Variants in KSR2 observed in about 807,000 individuals in gnomAD.
KSR2 encodes the protein kinase suppressor of ras 2.
KSR2 carries 25 observed loss-of-function variants against 107.8 expected under a neutral mutation model. That is an observed-to-expected ratio of 0.23 (90% CI 0.17 to 0.32). The LOEUF is 0.32. KSR2 is among the 10% of genes least tolerant of loss of function. KSR2 has a pLI of 1.00. For missense variants in KSR2, 887 were observed against 1,268.9 expected, an observed-to-expected ratio of 0.70 and a Z score of 4.57; for synonymous variants, 480 against 507.0, an observed-to-expected ratio of 0.95 and a Z score of 0.71.
intron 14 of KSR2, among the ~76,000 whole-genome samples, chr12:117,488,253 CA>C (rs1872575251): frequency 6.6e-6 from 1 of 152,166 alleles, no homozygotes; most frequent in Admixed American, 6.5e-5. Flanking sequence ...TCTTTATTAG[CA>C]GCGTGAAAAC....
chr12:117,754,741 C>CA (rs1888728869), intron 4 of KSR2, among the ~76,000 whole-genome samples: 1 of 152,094 alleles, frequency 6.6e-6, no homozygotes, highest in Non-Finnish European at 1.5e-5. Context: ...GCAGAGGTTG[C>CA]AGTGAGCTGA....
chr12:117,525,363 G>T, intron 13 of KSR2, 144 bp from the exon 14 acceptor site: 1 of 929,176 alleles, frequency 1.1e-6, no homozygotes, highest in Non-Finnish European at 1.6e-6. Flanking sequence ...ACGTCCCTCT[G>T]TTTCCCCAGC....
chr12:117,540,177 G>A (rs1876381492), intron 9 of KSR2, among the ~76,000 whole-genome samples: 1 of 152,076 alleles, frequency 6.6e-6, no homozygotes, highest in Admixed American at 6.5e-5. Flanking sequence ...CTCACCCTGT[G>A]CCTCTTTGAT....
At chr12:117,545,411 C>T (rs1245208510) in intron 9 of KSR2, among the ~76,000 whole-genome samples, 3 of 152,100 alleles carry the variant, frequency 2.0e-5, no homozygotes, top group Non-Finnish European at 2.9e-5. Flanking sequence ...TCTGGTGACA[C>T]CATCTGGAGA....
At chr12:117,951,813 C>T (rs764437554) in intron 1 of KSR2, among the ~76,000 whole-genome samples, 2 of 152,070 alleles carry the variant, frequency 1.3e-5, no homozygotes, top group Non-Finnish European at 2.9e-5. Context: ...TCCCAGGAAG[C>T]GAATCCAACT....
chr12:117,961,884 C>A (rs1896669104), intron 1 of KSR2, among the ~76,000 whole-genome samples: 2 of 152,126 alleles, frequency 1.3e-5, no homozygotes, highest in Non-Finnish European at 1.5e-5. Flanking sequence ...GGTGATTACA[C>A]CGGTAATCCC....
intron 5 of KSR2, among the ~76,000 whole-genome samples, chr12:117,597,889 C>T (rs140831625): frequency 3.2e-4 from 48 of 152,312 alleles, no homozygotes; most frequent in African/African-American, 9.9e-4. Context: ...AGGATCCTCA[C>T]AGCAACCTGA....
intron 5 of KSR2, among the ~76,000 whole-genome samples, chr12:117,606,441 C>T (rs371741328): frequency 0.11 from 1,685 of 15,442 alleles, 309 homozygotes; most frequent in Non-Finnish European, 0.12. Context: ...CCCTCCCTCC[C>T]CTCCTTCCTC....
chr12:117,885,063 G>T (rs4520690), intron 1 of KSR2, among the ~76,000 whole-genome samples: 1 of 151,910 alleles, frequency 6.6e-6, no homozygotes, highest in Non-Finnish European at 1.5e-5. Context: ...TTCACCCACC[G>T]GGGCCTCAGT....
intron 7 of KSR2, among the ~76,000 whole-genome samples, chr12:117,559,719 C>T (rs779427432): frequency 2.0e-5 from 3 of 152,194 alleles, no homozygotes; most frequent in Non-Finnish European, 4.4e-5. Flanking sequence ...GGACACCTTG[C>T]TCTTTCCCCT....
chr12:117,647,542 C>A (rs1249893259), intron 5 of KSR2, among the ~76,000 whole-genome samples: 5 of 152,104 alleles, frequency 3.3e-5, no homozygotes, highest in African/African-American at 1.2e-4. Flanking sequence ...AGAGTCCCTC[C>A]ATTCAAATGA....
intron 5 of KSR2, among the ~76,000 whole-genome samples, chr12:117,664,876 G>A (rs1031888889): frequency 3.9e-5 from 6 of 152,104 alleles, no homozygotes; most frequent in African/African-American, 1.4e-4. Flanking sequence ...AACTGAAATA[G>A]TGCAGCTGAC....
intron 4 of KSR2, among the ~76,000 whole-genome samples, chr12:117,681,431 A>G (rs1302104849): frequency 1.3e-5 from 2 of 152,166 alleles, no homozygotes; most frequent in African/African-American, 4.8e-5. Context: ...TGAAGGAAGA[A>G]GGATCAGGCA....
At chr12:117,843,824 C>T (rs1732685561) in intron 3 of KSR2, among the ~76,000 whole-genome samples, 1 of 152,162 alleles carries the variant, frequency 6.6e-6, no homozygotes, top group South Asian at 2.1e-4. Context: ...CTTCATGGTC[C>T]CTTCCAACAG....
intron 14 of KSR2, among the ~76,000 whole-genome samples, chr12:117,515,995 A>C (rs754854492): frequency 2.0e-5 from 3 of 152,144 alleles, no homozygotes; most frequent in Admixed American, 6.5e-5. Flanking sequence ...AGTGGGAACA[A>C]TTTTGGGTTG....
At chr12:117,797,600 C>T (rs187137044) in intron 3 of KSR2, among the ~76,000 whole-genome samples, 8 of 148,312 alleles carry the variant, frequency 5.4e-5, no homozygotes, top group Admixed American at 1.4e-4. Context: ...TCAATGCTAC[C>T]GAATTGTTCA....
intron 5 of KSR2, among the ~76,000 whole-genome samples, chr12:117,653,461 C>T (rs924269489): frequency 1.3e-5 from 2 of 152,188 alleles, no homozygotes; most frequent in South Asian, 2.1e-4. Context: ...GGAGAGAGAC[C>T]TTGATTGCTT....
intron 1 of KSR2, among the ~76,000 whole-genome samples, chr12:117,861,378 CTTTTTTT>C (rs5801257): frequency 7.3e-5 from 6 of 81,680 alleles, no homozygotes; most frequent in Non-Finnish European, 8.9e-5. Flanking sequence ...TCCCAATTCG[CTTTTTTT>C]TTTTTTTTTT....
intron 5 of KSR2, among the ~76,000 whole-genome samples, chr12:117,632,649 T>C (rs1366344990): frequency 6.6e-6 from 1 of 152,150 alleles, no homozygotes; most frequent in Admixed American, 6.5e-5. Context: ...GCAATAAGCA[T>C]AGTACCTGAC....
Sources: gnomAD v4.1 joint callset for allele counts (sites outside exome capture counted in the v4.1 genomes callset) on GRCh38, gnomAD v4.1.1 for gene constraint, MANE v1.5 for transcripts, NCBI Gene and HGNC (gene_info 2026-07-23, HGNC 2026-07-21) for gene names.